The following PRRX1 variants were observed in gnomAD, a reference collection of about 807,000 sequenced individuals.
The protein encoded by PRRX1 is paired related homeobox 1, also known as paired mesoderm homeobox protein 1.
A neutral mutation model predicts 24.0 loss-of-function variants in PRRX1; 8 were observed. The ratio of observed to expected loss-of-function variants is 0.33; its 90% confidence interval spans 0.20 to 0.60. PRRX1 has a LOEUF of 0.60. Ranked by LOEUF, PRRX1 falls within the 20% of genes least tolerant of loss-of-function variation. The probability of loss-of-function intolerance (pLI) is 0.82; values close to 1 mark genes in which losing one functional copy is unlikely to be tolerated. For missense variants in PRRX1, 281 were observed against 322.4 expected (o/e 0.87, Z 0.98); for synonymous variants, 160 against 131.7 (o/e 1.22, Z -1.47).
chr1:170,697,439 T>C (rs1015055988), intron 1 of PRRX1, among the ~76,000 whole-genome samples: 2 of 152,064 alleles, frequency 1.3e-5, no homozygotes, highest in African/African-American at 4.8e-5. Context: ...ATAATACATG[T>C]AAGACAAGCT....
chr1:170,678,625 G>A (rs1019233016), intron 1 of PRRX1, among the ~76,000 whole-genome samples: 3 of 152,124 alleles, frequency 2.0e-5, no homozygotes, highest in African/African-American at 7.2e-5. Flanking sequence ...ATATTGTGTA[G>A]GATCTCTAAC....
chr1:170,714,134 A>G (rs924693082), intron 1 of PRRX1, among the ~76,000 whole-genome samples: 1 of 152,234 alleles, frequency 6.6e-6, no homozygotes, highest in African/African-American at 2.4e-5. Context: ...TGCTGTCCTA[A>G]TTTCAGTTAA....
At chr1:170,698,409 G>A (rs146045506) in intron 1 of PRRX1, among the ~76,000 whole-genome samples, 8 of 152,000 alleles carry the variant, frequency 5.3e-5, no homozygotes, top group South Asian at 2.1e-4. Context: ...TTTATTTTTC[G>A]GATCCTAAAG....
At chr1:170,713,766 T>C (rs1485523013) in intron 1 of PRRX1, among the ~76,000 whole-genome samples, 1 of 152,190 alleles carries the variant, frequency 6.6e-6, no homozygotes, top group African/African-American at 2.4e-5. Context: ...TTTAATTCTA[T>C]TTGCTAAGGC....
intron 1 of PRRX1, among the ~76,000 whole-genome samples, chr1:170,693,666 A>T (rs946475813): frequency 1.3e-5 from 2 of 152,126 alleles, no homozygotes; most frequent in Non-Finnish European, 2.9e-5. Context: ...AAGAAATTTG[A>T]TAGTGTGGAT....
chr1:170,725,060 T>C lies in PRRX1; in HGVS notation c.418-1160T>C, dbSNP rs545690695. Among the ~76,000 whole-genome samples, 9 of 152,272 alleles carry C rather than the reference T, an allele frequency of 5.9e-5. No homozygotes were observed. In the South Asian group the frequency reaches 1.7e-3, roughly 28 times the overall value. ...TGTAGCAATTGTGAATGGGAGTTCA[T>C]TCATGATTTGGCTCTTTGCTTTTCT... On this transcript the variant is annotated intron_variant, in intron 2 of 3. Transcript: ENST00000239461.
At position 170,720,908 on chromosome 1, in the gene PRRX1, G is replaced by A. The variant is rs567348171; in HGVS notation, c.417+1007G>A. 3.3e-5 allele frequency among the ~76,000 whole-genome samples: 5 copies of A among 152,238 alleles called. No individual in the cohort carries two copies. In the South Asian group the frequency reaches 1.0e-3, roughly 32 times the overall value. ...ACAATACGTAATACTAACACTACTG[G>A]AGCCCTTATATGCCAAGTAGTGTTC... On this transcript the variant is annotated intron_variant, in intron 2 of 3. Coordinates refer to ENST00000239461, the MANE Select transcript of PRRX1 (RefSeq NM_022716.4).
At chr1:170,731,267 C>A (rs1330296436) in intron 3 of PRRX1, among the ~76,000 whole-genome samples, 1 of 152,180 alleles carries the variant, frequency 6.6e-6, no homozygotes, top group Admixed American at 6.5e-5. Flanking sequence ...CTTTCTGCAA[C>A]TTCTATGCAT....
chr1:170,693,019 C>G (rs1654045940), intron 1 of PRRX1, among the ~76,000 whole-genome samples: 1 of 151,988 alleles, frequency 6.6e-6, no homozygotes, highest in Non-Finnish European at 1.5e-5. Flanking sequence ...GATTCACTTC[C>G]AACCCAACCT....
At chr1:170,706,988 G>A (rs547124057) in intron 1 of PRRX1, among the ~76,000 whole-genome samples, 1 of 152,016 alleles carries the variant, frequency 6.6e-6, no homozygotes, top group African/African-American at 2.4e-5. Context: ...TGCTGGGCAT[G>A]GTGGTGTGCA....
intron 1 of PRRX1, 85 bp from the exon 2 acceptor site, chr1:170,719,641 C>T: frequency 7.1e-7 from 1 of 1,411,448 alleles, no homozygotes; most frequent in Admixed American, 1.8e-5. Flanking sequence ...GAAGCAAGAT[C>T]TCACTATAGA....
intron 1 of PRRX1, among the ~76,000 whole-genome samples, chr1:170,705,479 C>T (rs530804596): frequency 5.3e-5 from 8 of 152,176 alleles, no homozygotes; most frequent in Middle Eastern, 3.4e-3. Context: ...GACAGGGTTT[C>T]GCAATGTTGC....
intron 1 of PRRX1, among the ~76,000 whole-genome samples, chr1:170,687,642 G>T (rs753939561): frequency 6.6e-6 from 1 of 152,168 alleles, no homozygotes; most frequent in Non-Finnish European, 1.5e-5. Context: ...TATAGGATAT[G>T]GTTAGCATTG....
In PRRX1 at chr1:170,736,169, G is replaced by T. The variant is rs1334855472; in HGVS notation, c.721G>T (p.Val241Leu). 6.2e-7 allele frequency: 1 copy of T among 1,613,998 alleles called. No homozygotes were observed. The highest frequency in any genetic ancestry group is 1.7e-5 in the Admixed American group (1 of 59,990). ...AKEYSLQRNQ[V>L]PTVN ...GGAATATAGTTTACAGAGGAACCAGGTGCCAACAGTCAACTGAGGAAAAAA... is the reference window on the plus strand; with the variant it reads ...GGAATATAGTTTACAGAGGAACCAGTTGCCAACAGTCAACTGAGGAAAAAA... Residue 241 changes from valine to leucine, a missense_variant, in exon 4 of 4, where the codon GTG becomes TTG. By Grantham distance (32) the Val-to-Leu change is conservative. Transcript: ENST00000239461.
chr1:170,688,184 C>A (rs546639472), intron 1 of PRRX1, among the ~76,000 whole-genome samples: 3 of 152,104 alleles, frequency 2.0e-5, no homozygotes, highest in Non-Finnish European at 4.4e-5. Context: ...AATCCTGGAG[C>A]TCATTGTTGA....
rs1655254855 is a variant in PRRX1, at chr1:170,726,352, G to A, written c.550G>A (p.Ala184Thr). ...GGAGCAGCCCATCGTACCTCGTCCT[G>A]CTCCGAGACCCACCGATTATCTCTC... ...AVEQPIVPRP[A>T]PRPTDYLSWG... The change falls in exon 3 of 4, where the codon GCT (alanine) becomes ACT (threonine). Residue 184 changes from alanine to threonine, a missense_variant. Coordinates refer to ENST00000239461, the MANE Select transcript of PRRX1 (RefSeq NM_022716.4). 5 of 1,614,090 alleles carry A rather than the reference G, an allele frequency of 3.1e-6. No homozygotes were observed. Among genetic ancestry groups the A allele is most frequent in the Non-Finnish European group, 4.2e-6 (5 of 1,180,004 alleles).
chr1:170,664,114 C>T (rs1652824546), upstream of PRRX1: 5 of 639,698 alleles, frequency 7.8e-6, no homozygotes, highest in Non-Finnish European at 1.1e-5. Flanking sequence ...TCTCCACTAC[C>T]CCCCTCTTTC....
chr1:170,718,045 G>A (rs975507483), intron 1 of PRRX1, among the ~76,000 whole-genome samples: 2 of 152,160 alleles, frequency 1.3e-5, no homozygotes, highest in South Asian at 2.1e-4. Flanking sequence ...CCAAAGAGAA[G>A]GTGGACTGTA....
intron 1 of PRRX1, among the ~76,000 whole-genome samples, chr1:170,665,732 G>A (rs1280714626): frequency 6.6e-6 from 1 of 152,262 alleles, no homozygotes; most frequent in Non-Finnish European, 1.5e-5. Context: ...ACAGCAAGCC[G>A]CAGAGAGAGC....
Sources: allele counts gnomAD v4.1 joint callset (sites outside exome capture counted in the v4.1 genomes callset), GRCh38; gene constraint gnomAD v4.1.1; transcripts MANE v1.5; gene names NCBI Gene and HGNC (gene_info 2026-07-23, HGNC 2026-07-21).